RPS6KC1: variants seen among roughly 807,000 people sequenced by gnomAD.
RPS6KC1 encodes the protein inactive ribosomal protein S6 kinase delta-1.
RPS6KC1 carries 54 observed loss-of-function variants against 103.8 expected under a neutral mutation model. That is an observed-to-expected ratio of 0.52 (90% CI 0.42 to 0.65). The LOEUF is 0.65. Among genes scored for constraint, RPS6KC1 ranks in the 30% least tolerant of loss-of-function variants. The pLI is 0.00. For synonymous variants in RPS6KC1, 439 were observed against 438.7 expected (o/e 1.00, Z -0.01); for missense variants, 1,151 against 1,253.8 (o/e 0.92, Z 1.24).
the RPS6KC1 span, among the ~76,000 whole-genome samples, chr1:213,502,152 T>G: frequency 2.0e-5 from 3 of 152,212 alleles, no homozygotes; most frequent in Admixed American, 6.5e-5. Context: ...CAACTTTCAT[T>G]AATATCTTAT....
the RPS6KC1 span, among the ~76,000 whole-genome samples, chr1:213,780,584 T>C: frequency 6.6e-6 from 1 of 152,230 alleles, no homozygotes. Context: ...TAGGCTATTT[T>C]GAGTTTTTGA....
At chr1:213,268,940 G>A (rs1573735019) in intron 14 of RPS6KC1, among the ~76,000 whole-genome samples, 4 of 152,002 alleles carry the variant, frequency 2.6e-5, no homozygotes, top group Admixed American at 2.6e-4. Context: ...AGTAAAGGAA[G>A]AACAAATAAG....
the RPS6KC1 span, among the ~76,000 whole-genome samples, chr1:213,430,215 G>A: frequency 6.6e-6 from 1 of 152,164 alleles, no homozygotes; most frequent in Non-Finnish European, 1.5e-5. Context: ...GATACCTCTC[G>A]AGTCTATCAT....
the RPS6KC1 span, among the ~76,000 whole-genome samples, chr1:213,708,918 A>G: frequency 2.0e-5 from 3 of 152,146 alleles, no homozygotes; most frequent in Non-Finnish European, 4.4e-5. Context: ...ATCATGGTGG[A>G]TAAGCTTTTC....
chr1:213,786,914 A>G, the RPS6KC1 span, among the ~76,000 whole-genome samples: 4 of 152,334 alleles, frequency 2.6e-5, no homozygotes, highest in Admixed American at 6.5e-5. Flanking sequence ...CAGTCTTATA[A>G]GAAGTAAGGC....
the RPS6KC1 span, among the ~76,000 whole-genome samples, chr1:213,340,018 G>A: frequency 1.3e-5 from 2 of 152,018 alleles, no homozygotes; most frequent in African/African-American, 4.8e-5. Flanking sequence ...TCAGCCTCCC[G>A]AGTAGCTGGG....
chr1:213,091,509 C>T (rs929647213), intron 3 of RPS6KC1, among the ~76,000 whole-genome samples: 3 of 152,032 alleles, frequency 2.0e-5, no homozygotes, highest in Non-Finnish European at 2.9e-5. Flanking sequence ...CATTACAATC[C>T]GTTGGTCTGT....
chr1:213,295,282 C>T, the RPS6KC1 span, among the ~76,000 whole-genome samples: 8 of 152,100 alleles, frequency 5.3e-5, no homozygotes, highest in African/African-American at 1.2e-4. Flanking sequence ...ACCCCTCAGG[C>T]GTAAGACCAT....
intron 6 of RPS6KC1, among the ~76,000 whole-genome samples, chr1:213,141,187 A>G (rs1280847199): frequency 1.3e-5 from 2 of 152,092 alleles, no homozygotes; most frequent in East Asian, 3.9e-4. Flanking sequence ...ATGAGCCACC[A>G]TGCTTGGCCA....
chr1:213,765,450 C>T, the RPS6KC1 span, among the ~76,000 whole-genome samples: 139 of 152,318 alleles, frequency 9.1e-4, no homozygotes, highest in African/African-American at 3.1e-3. Flanking sequence ...GCCAGCTCTT[C>T]TCCCTCCTAG....
the RPS6KC1 span, among the ~76,000 whole-genome samples, chr1:213,808,322 G>C: frequency 3.3e-5 from 5 of 152,230 alleles, no homozygotes; most frequent in Non-Finnish European, 7.3e-5. Context: ...GTCAGACAGG[G>C]ACATTTAAGT....
At chr1:213,602,604 C>A in the RPS6KC1 span, among the ~76,000 whole-genome samples, 1 of 152,104 alleles carries the variant, frequency 6.6e-6, no homozygotes, top group East Asian at 1.9e-4. Context: ...TGGGGCTCTT[C>A]AGGATCCCCA....
intron 3 of RPS6KC1, among the ~76,000 whole-genome samples, chr1:213,085,091 A>G (rs554384699): frequency 6.6e-6 from 1 of 152,358 alleles, no homozygotes; most frequent in South Asian, 2.1e-4. Flanking sequence ...AATTGGTATC[A>G]CTGGGCTGAA....
chr1:213,627,634 G>T, the RPS6KC1 span, among the ~76,000 whole-genome samples: 1 of 152,114 alleles, frequency 6.6e-6, no homozygotes, highest in Non-Finnish European at 1.5e-5. Flanking sequence ...TAGCATGAAG[G>T]GCTGTTGAAT....
the RPS6KC1 span, among the ~76,000 whole-genome samples, chr1:213,690,530 G>C: frequency 6.6e-6 from 1 of 152,208 alleles, no homozygotes; most frequent in Non-Finnish European, 1.5e-5. Context: ...ATCAAAGGGA[G>C]TTCCTGCCTT....
the RPS6KC1 span, among the ~76,000 whole-genome samples, chr1:213,589,922 T>C: frequency 6.8e-6 from 1 of 147,184 alleles, no homozygotes; most frequent in Non-Finnish European, 1.5e-5. Flanking sequence ...GCCTTATTCT[T>C]GTGACAAAAG....
chr1:213,278,714 CAG>C (rs1244729129), downstream of RPS6KC1, among the ~76,000 whole-genome samples: 1 of 151,912 alleles, frequency 6.6e-6, no homozygotes, highest in African/African-American at 2.4e-5. Context: ...TTATAAAACA[CAG>C]GGGAAAGAAA....
the RPS6KC1 span, among the ~76,000 whole-genome samples, chr1:213,740,757 C>T: frequency 1.9e-4 from 20 of 107,528 alleles, no homozygotes; most frequent in South Asian, 1.3e-3. Context: ...CACATATATA[C>T]ATCTCAGATA....
the RPS6KC1 span, among the ~76,000 whole-genome samples, chr1:213,317,347 C>T: frequency 6.6e-6 from 1 of 152,182 alleles, no homozygotes; most frequent in Non-Finnish European, 1.5e-5. Context: ...TCATAGTCAG[C>T]TCAGGCTGCC....
Sources: allele counts gnomAD v4.1 joint callset (sites outside exome capture counted in the v4.1 genomes callset), GRCh38; gene constraint gnomAD v4.1.1; transcripts MANE v1.5; gene names NCBI Gene and HGNC (gene_info 2026-07-23, HGNC 2026-07-21).